ZC3H12D: variants seen among roughly 807,000 people sequenced by gnomAD.
ZC3H12D encodes the protein probable ribonuclease ZC3H12D.
Under a neutral mutation model 24.2 loss-of-function variants are expected in ZC3H12D, and 11 were observed. The ratio of observed to expected loss-of-function variants is 0.46; its 90% CI spans 0.29 to 0.75. The LOEUF (loss-of-function observed/expected upper bound fraction) is 0.75. Among genes scored for constraint, ZC3H12D ranks in the 30% least tolerant of loss-of-function variants. ZC3H12D has a pLI of 0.11. For synonymous variants in ZC3H12D, 333 were observed against 341.8 expected, an observed-to-expected ratio of 0.97 and a Z score of 0.28; for missense variants, 740 against 767.7, an observed-to-expected ratio of 0.96 and a Z score of 0.43.
chr6:149,460,562 C>T (rs967416716), intron 3 of ZC3H12D, among the ~76,000 whole-genome samples: 5 of 151,990 alleles, frequency 3.3e-5, no homozygotes, highest in African/African-American at 4.8e-5. Context: ...GGGCAGGGTG[C>T]GGTGGCTCAC....
chr6:149,473,373 T>C lies in ZC3H12D; in HGVS notation c.305+866A>G, dbSNP rs888275654. Among the ~76,000 whole-genome samples, 14 of 152,166 alleles carry C rather than the reference T, an allele frequency of 9.2e-5. 1 individual carries two copies. Among genetic ancestry groups the C allele is most frequent in the Admixed American group, 4.6e-4 (7 of 15,286 alleles). ...CTCAGCTTTTGAAAAGGGAAGCACA[T>C]ATATTTACAGCTGGGAGTGAACCAT... On this transcript the variant is annotated intron_variant, in intron 2 of 5. Coordinates refer to ENST00000409806, the MANE Select transcript of ZC3H12D (RefSeq NM_207360.3).
At chr6:149,467,373 C>T (rs182210340) in intron 2 of ZC3H12D, among the ~76,000 whole-genome samples, 32 of 152,274 alleles carry the variant, frequency 2.1e-4, no homozygotes, top group African/African-American at 7.5e-4. Context: ...CCACCTCAGC[C>T]TCCCAAGTCG....
chr6:149,451,367 G>T lies in ZC3H12D; in HGVS notation c.900C>A (p.Gly300=). The change falls in exon 6 of 6, where the codon GGC becomes GGA. Residue 300 remains glycine, a synonymous_variant. Transcript: ENST00000409806. The stretch of plus-strand genomic sequence containing the variant: ...GTGGCCGCTGCTCCTCGGCGCCCGC[G>T]CCAGGCCGGGCCCCTGTCTTGGCGC... ...ELRAKTGARP[G]AGAEEQRPPR... is the part of the protein sequence containing the mutation. The T allele has an allele frequency of 6.6e-7, 1 of 1,526,256 alleles. No individual in the cohort carries two copies. The highest frequency in any genetic ancestry group is 8.7e-7 in the Non-Finnish European group (1 of 1,149,754). The allele number at this position is 1,526,256 out of a possible 1,614,324, so 94.5% of individuals were successfully genotyped here.
rs139184643 is a variant in ZC3H12D, at chr6:149,451,036, G to A, written c.1231C>T (p.Leu411Phe). The change falls in exon 6 of 6, where the codon CTC becomes TTC. Residue 411 changes from leucine to phenylalanine, a missense_variant. By Grantham distance (22) the Leu-to-Phe change is conservative. Transcript: ENST00000409806. ...GGGCGGTGTTCGCCCCGCGGCTGGA[G>A]CTGCAGGCCGGGCGGAGGCGGGAGG... is the stretch of plus-strand genomic sequence containing the variant. ...GDLPPPPGLQLQPRGEHRPRD... is the reference protein window; with the variant it reads ...GDLPPPPGLQFQPRGEHRPRD... The A allele has an allele frequency of 6.3e-4, 896 of 1,432,346 alleles. 15 individuals are homozygous for A. In the East Asian group the frequency reaches 0.023, roughly 38 times the overall value. The allele number at this position is 1,432,346 out of a possible 1,614,324, so 88.7% of individuals were successfully genotyped here.
In ZC3H12D at chr6:149,474,588, TC is replaced by T; in HGVS notation, c.-46del. 1 of 1,425,336 alleles carries T rather than the reference TC, an allele frequency of 7.0e-7. No individual in the cohort carries two copies. The highest frequency in any genetic ancestry group is 9.3e-7 in the Non-Finnish European group (1 of 1,077,318). The allele number at this position is 1,425,336 out of a possible 1,614,324, so 88.3% of individuals were successfully genotyped here. A position where few individuals can be genotyped will look rare whatever the true frequency, so the allele number is the denominator to read the frequency against. On this transcript the variant is annotated 5_prime_UTR_variant, in exon 2 of 6. Transcript: ENST00000409806. Reference sequence around the variant, plus strand: ...GGCGCAGGTCCTGCCCCAGGCTTCCTCCTCTCAGAGCCCTGCAGACATGAGC... The same window carrying T: ...GGCGCAGGTCCTGCCCCAGGCTTCCTCTCTCAGAGCCCTGCAGACATGAGC...
chr6:149,480,589 A>T (rs1186320530), intron 1 of ZC3H12D, among the ~76,000 whole-genome samples: 1 of 152,194 alleles, frequency 6.6e-6, no homozygotes, highest in Non-Finnish European at 1.5e-5. Context: ...ACATAGAATT[A>T]GCCGGGCGTG....
At position 149,450,067 on chromosome 6, in the gene ZC3H12D, GC is replaced by G. The variant is rs1051798376; in HGVS notation, c.*615del. 6.6e-6 allele frequency: 1 copy of G among 152,212 alleles called. No homozygotes were observed. The highest frequency in any genetic ancestry group is 1.5e-5 in the Non-Finnish European group (1 of 68,120). The allele number at this position is 152,212 out of a possible 1,614,324, so 9.4% of individuals were successfully genotyped here. On this transcript the variant is annotated 3_prime_UTR_variant, in exon 6 of 6. Coordinates refer to ENST00000409806, the MANE Select transcript of ZC3H12D (RefSeq NM_207360.3). ...GCCACACAATTCAGAGCACAGGAGA[GC>G]CCACACCTGGAGGCTGGGCTGCCCT...
chr6:149,477,811 T>G (rs1776364512), intron 1 of ZC3H12D, among the ~76,000 whole-genome samples: 2 of 152,180 alleles, frequency 1.3e-5, no homozygotes, highest in African/African-American at 4.8e-5. Flanking sequence ...CTTCAGTGGT[T>G]CCCAAGGTGT....
chr6:149,471,542 T>C (rs1334274649), intron 2 of ZC3H12D, among the ~76,000 whole-genome samples: 2 of 152,226 alleles, frequency 1.3e-5, no homozygotes, highest in Non-Finnish European at 2.9e-5. Flanking sequence ...GGTTATCATA[T>C]TTTTGGGGAT....
At chr6:149,478,030 G>A (rs1184542831) in intron 1 of ZC3H12D, among the ~76,000 whole-genome samples, 1 of 152,040 alleles carries the variant, frequency 6.6e-6, no homozygotes, top group African/African-American at 2.4e-5. Flanking sequence ...AGCTGGGCAT[G>A]GTGGGGTGCA....
chr6:149,482,471 C>T (rs1267880972), intron 1 of ZC3H12D, among the ~76,000 whole-genome samples: 2 of 152,206 alleles, frequency 1.3e-5, no homozygotes, highest in Non-Finnish European at 2.9e-5. Flanking sequence ...GAAAATCCTC[C>T]AAGTGGCCCG....
intron 2 of ZC3H12D, among the ~76,000 whole-genome samples, chr6:149,470,441 A>G (rs1776226225): frequency 6.6e-6 from 1 of 152,156 alleles, no homozygotes; most frequent in South Asian, 2.1e-4. Context: ...AGACTGAGGC[A>G]GGAGAATCAA....
intron 3 of ZC3H12D, among the ~76,000 whole-genome samples, chr6:149,458,128 C>CTTTTTTTTTTTTTTTTTTTTTT (rs1189920889): frequency 3.3e-4 from 13 of 39,758 alleles, no homozygotes; most frequent in South Asian, 1.3e-3. Flanking sequence ...TTTTTCGTTT[C>CTTTTTTTTTTTTTTTTTTTTTT]TTTTTTTTTT....
chr6:149,456,379 T>C lies in ZC3H12D; in HGVS notation c.680+287A>G, dbSNP rs1212291059. Among the ~76,000 whole-genome samples the C allele has an allele frequency of 6.6e-6, 1 of 152,200 alleles. No individual in the cohort carries two copies. Among genetic ancestry groups the C allele is most frequent in the Non-Finnish European group, 1.5e-5 (1 of 68,050 alleles). ...ATATTCTGAAGTATGCAATTCTGTT[T>C]TTTTAAGTTAGTGGTGCCCTAAACA... On this transcript the variant is annotated intron_variant, in intron 4 of 5. Coordinates refer to ENST00000409806, the MANE Select transcript of ZC3H12D (RefSeq NM_207360.3). The surrounding 1 kb of genome is among the most constrained non-coding windows in gnomAD (Gnocchi z 4.3).
At position 149,477,859 on chromosome 6, in the gene ZC3H12D, G is replaced by A. The variant is rs1776365558; in HGVS notation, c.-70-3246C>T. ...CCCGGGGGACTCCAAGATTTTTTCA[G>A]GGCATCTTCAAGGTAAAAACTATTT... On this transcript the variant is annotated intron_variant, in intron 1 of 5. Coordinates refer to ENST00000409806, the MANE Select transcript of ZC3H12D (RefSeq NM_207360.3). Among the ~76,000 whole-genome samples, 4 of 152,132 alleles carry A rather than the reference G, an allele frequency of 2.6e-5. No homozygotes were observed. In the South Asian group the frequency reaches 8.3e-4, roughly 32 times the overall value.
At chr6:149,478,880 C>T (rs368694391) in intron 1 of ZC3H12D, among the ~76,000 whole-genome samples, 4 of 152,098 alleles carry the variant, frequency 2.6e-5, no homozygotes, top group Non-Finnish European at 5.9e-5. Context: ...TAAAACAAGT[C>T]GGATCATGTT....
At chr6:149,472,965 A>T (rs1233248032) in intron 2 of ZC3H12D, among the ~76,000 whole-genome samples, 1 of 152,054 alleles carries the variant, frequency 6.6e-6, no homozygotes, top group African/African-American at 2.4e-5. Context: ...CTTCCCAGAG[A>T]TCTTAAATTG....
At position 149,450,186 on chromosome 6, in the gene ZC3H12D, C is replaced by G. The variant is rs1373791981; in HGVS notation, c.*497G>C. 6 of 153,676 alleles carry G rather than the reference C, an allele frequency of 3.9e-5. No homozygotes were observed. Among genetic ancestry groups the G allele is most frequent in the African/African-American group, 1.4e-4 (6 of 41,472 alleles). The allele number at this position is 153,676 out of a possible 1,614,324, so 9.5% of individuals were successfully genotyped here. A position where few individuals can be genotyped will look rare whatever the true frequency, so the allele number is the denominator to read the frequency against. On this transcript the variant is annotated 3_prime_UTR_variant, in exon 6 of 6. Transcript: ENST00000409806. Reference sequence around the variant, plus strand: ...TACATATTTCAAACATTACCTGAAGCAATGAAATTCAAGAGCATTCATAGT... The same window carrying G: ...TACATATTTCAAACATTACCTGAAGGAATGAAATTCAAGAGCATTCATAGT...
chr6:149,460,884 G>A (rs1163449184), intron 3 of ZC3H12D, among the ~76,000 whole-genome samples: 2 of 151,416 alleles, frequency 1.3e-5, no homozygotes, highest in Non-Finnish European at 2.9e-5. Context: ...TGCACCTATA[G>A]TCCCAGCTAC....
Sources: gnomAD v4.1 joint callset for allele counts (sites outside exome capture counted in the v4.1 genomes callset) on GRCh38, gnomAD v4.1.1 for gene constraint, Gnocchi (gnomAD v3.1) non-coding constraint, MANE v1.5 for transcripts, NCBI Gene and HGNC (gene_info 2026-07-23, HGNC 2026-07-21) for gene names.